The following RAB6B variants were observed in gnomAD, a reference collection of about 807,000 sequenced individuals.
RAB6B encodes the protein RAB6B, member RAS oncogene family, also known as ras-related protein Rab-6B.
In RAB6B, 7 loss-of-function variants were observed where a neutral mutation model predicts 31.2. The observed-to-expected ratio is 0.22, with a 90% CI of 0.13 to 0.42. RAB6B has a LOEUF of 0.42. RAB6B is among the 10% of genes least tolerant of loss of function. The pLI is 1.00. For synonymous variants in RAB6B, 105 were observed against 104.9 expected (o/e 1.00, Z -0.01); for missense variants, 149 against 280.6 (o/e 0.53, Z 3.35).
At chr3:133,869,543 T>A (rs1295485582) in intron 1 of RAB6B, among the ~76,000 whole-genome samples, 1 of 152,250 alleles carries the variant, frequency 6.6e-6, no homozygotes, top group Non-Finnish European at 1.5e-5. Context: ...AGTTCATAAT[T>A]TCCATAGTGG....
intron 1 of RAB6B, among the ~76,000 whole-genome samples, chr3:133,889,388 TTATATATATATATATATATATATA>T (rs5852771): frequency 0.023 from 1,806 of 80,220 alleles, 77 homozygotes; most frequent in African/African-American, 0.03. Flanking sequence ...GGTTATTTTG[TTATATATATATATATATATATATA>T]TATATATATA....
At chr3:133,894,316 T>C (rs1362101423) in intron 1 of RAB6B, 1 of 152,334 alleles carries the variant, frequency 6.6e-6, no homozygotes, top group Non-Finnish European at 1.5e-5. Flanking sequence ...AGGGATGCTC[T>C]GAAAGCCACT....
intron 4 of RAB6B, among the ~76,000 whole-genome samples, chr3:133,840,682 GCAGGTCT>G (rs936474900): frequency 6.6e-6 from 1 of 152,206 alleles, no homozygotes; most frequent in African/African-American, 2.4e-5. Context: ...CAAGAGCCTT[GCAGGTCT>G]GGCCTCTGCC....
chr3:133,873,067 C>A (rs1017382813), intron 1 of RAB6B, among the ~76,000 whole-genome samples: 1 of 152,212 alleles, frequency 6.6e-6, no homozygotes, highest in Non-Finnish European at 1.5e-5. Context: ...CTGCACCCAC[C>A]CCATCTCCTC....
At chr3:133,873,529 G>A (rs763243861) in intron 1 of RAB6B, among the ~76,000 whole-genome samples, 4 of 152,122 alleles carry the variant, frequency 2.6e-5, no homozygotes, top group Non-Finnish European at 2.9e-5. Context: ...AGCCCCAGCC[G>A]CCACAGAGGA....
At chr3:133,831,008 T>A (rs995462185) in intron 7 of RAB6B, among the ~76,000 whole-genome samples, 4 of 152,230 alleles carry the variant, frequency 2.6e-5, no homozygotes, top group Non-Finnish European at 4.4e-5. Context: ...CAGTCCTGGT[T>A]GAGAACTAGT....
At chr3:133,866,562 T>C (rs940243532) in intron 1 of RAB6B, among the ~76,000 whole-genome samples, 1 of 152,234 alleles carries the variant, frequency 6.6e-6, no homozygotes, top group African/African-American at 2.4e-5. Context: ...CCAAGATCTC[T>C]TCTAATTTTA....
chr3:133,839,164 G>A (rs1001384693), intron 5 of RAB6B, among the ~76,000 whole-genome samples: 1 of 152,248 alleles, frequency 6.6e-6, no homozygotes, highest in Admixed American at 6.5e-5. Context: ...TGCACACGCT[G>A]GGGCCTAGAG....
chr3:133,833,805 G>T (rs1576392202), intron 7 of RAB6B, among the ~76,000 whole-genome samples: 1 of 152,184 alleles, frequency 6.6e-6, no homozygotes, highest in Admixed American at 6.5e-5. Context: ...GGCTTACTCA[G>T]GCAGGGACAT....
chr3:133,885,560 C>T (rs1430369133), intron 1 of RAB6B: 1 of 703,024 alleles, frequency 1.4e-6, no homozygotes, highest in African/African-American at 1.7e-5. Context: ...TGGTCATATG[C>T]CACATCCAAC....
chr3:133,827,747 C>CT lies in RAB6B; in HGVS notation c.*1040_*1041insA. 2 of 14,394 alleles carry CT rather than the reference C, an allele frequency of 1.4e-4. No individual in the cohort carries two copies. The highest frequency in any genetic ancestry group is 3.3e-4 in the Non-Finnish European group (2 of 6,014). 0.9% of individuals were successfully genotyped at this position (14,394 alleles called of 1,614,324 possible). On this transcript the variant is annotated 3_prime_UTR_variant, in exon 8 of 8. Transcript: ENST00000285208. The stretch of plus-strand genomic sequence containing the variant: ...CAAGGTGGTGGTTCTGCAGACAACA[C>CT]CCCCCCCCCCCCCCGCCTCCCCATC...
At chr3:133,842,146 G>A (rs112063604) in intron 2 of RAB6B, among the ~76,000 whole-genome samples, 2 of 152,230 alleles carry the variant, frequency 1.3e-5, no homozygotes, top group Admixed American at 6.5e-5. Flanking sequence ...TGCTGTGTGG[G>A]TGCAAACAGC....
Position 133,843,111 on chromosome 3 carries a change from T to C in RAB6B, c.130-1448A>G, listed in dbSNP as rs1473281028. On this transcript the variant is annotated intron_variant, in intron 2 of 7. Coordinates refer to ENST00000285208, the MANE Select transcript of RAB6B (RefSeq NM_016577.4). ...GACTGGCTTGCACCCTCCTGGAAGC[T>C]TGCCTCATAACACAAAGATATGGGG... is the stretch of plus-strand genomic sequence containing the variant. 2.0e-5 allele frequency among the ~76,000 whole-genome samples: 3 copies of C among 152,244 alleles called. No individual in the cohort carries two copies. In the East Asian group the frequency reaches 5.8e-4, roughly 29 times the overall value.
intron 1 of RAB6B, among the ~76,000 whole-genome samples, chr3:133,888,060 G>A (rs1171761749): frequency 3.9e-5 from 6 of 152,198 alleles, no homozygotes; most frequent in African/African-American, 1.4e-4. Context: ...CACTCCCCAC[G>A]AGTCATGCAC....
intron 1 of RAB6B, among the ~76,000 whole-genome samples, chr3:133,879,704 T>TC (rs1468566497): frequency 1.2e-4 from 18 of 152,238 alleles, no homozygotes; most frequent in Non-Finnish European, 2.2e-4. Flanking sequence ...ACAGCTTGTG[T>TC]AGACTGCATA....
rs1271269693 is a variant in RAB6B, at chr3:133,826,723, A to G, written c.*2065T>C. ...CTATGTTTGCCTGTAGTTTAACACA[A>G]CTATGCATTATTTTATTGATGGCAA... On this transcript the variant is annotated 3_prime_UTR_variant, in exon 8 of 8. Coordinates refer to ENST00000285208, the MANE Select transcript of RAB6B (RefSeq NM_016577.4). 1 of 152,628 alleles carries G rather than the reference A, an allele frequency of 6.6e-6. No individual in the cohort carries two copies. Among genetic ancestry groups the G allele is most frequent in the Admixed American group, 6.5e-5 (1 of 15,288 alleles). The allele number at this position is 152,628 out of a possible 1,614,324, so 9.5% of individuals were successfully genotyped here.
At position 133,852,699 on chromosome 3, in the gene RAB6B, G is replaced by A. The variant is rs114911733; in HGVS notation, c.130-11036C>T. 6.9e-3 allele frequency among the ~76,000 whole-genome samples: 1,051 copies of A among 152,154 alleles called. 15 individuals carry two copies. Among genetic ancestry groups the A allele is most frequent in the African/African-American group, 0.024 (996 of 41,508 alleles). ...TCACCATGTTGCCCAGGCTGGTCTCGAACTCCAGGGCACAAGTGATCCTTC... is the reference window on the plus strand; with the variant it reads ...TCACCATGTTGCCCAGGCTGGTCTCAAACTCCAGGGCACAAGTGATCCTTC... On this transcript the variant is annotated intron_variant, in intron 2 of 7. Transcript: ENST00000285208.
intron 7 of RAB6B, among the ~76,000 whole-genome samples, chr3:133,833,090 G>A (rs1484032201): frequency 6.6e-6 from 1 of 152,168 alleles, no homozygotes; most frequent in Non-Finnish European, 1.5e-5. Context: ...GCACAGCGGA[G>A]ATCGCCTGCA....
At position 133,827,833 on chromosome 3, in the gene RAB6B, G is replaced by A; in HGVS notation, c.*955C>T. 2 of 609,176 alleles carry A rather than the reference G, an allele frequency of 3.3e-6. No individual in the cohort carries two copies. The highest frequency in any genetic ancestry group is 6.0e-6 in the Non-Finnish European group (2 of 331,996). The allele number at this position is 609,176 out of a possible 1,614,324, so 37.7% of individuals were successfully genotyped here. On this transcript the variant is annotated 3_prime_UTR_variant, in exon 8 of 8. Coordinates refer to ENST00000285208, the MANE Select transcript of RAB6B (RefSeq NM_016577.4). ...ACATCCAGGAGGAAGGCTTCAGGAT[G>A]GCACACTGCCCAACATCACACACTG...
Sources: allele counts gnomAD v4.1 joint callset (sites outside exome capture counted in the v4.1 genomes callset), GRCh38; gene constraint gnomAD v4.1.1; transcripts MANE v1.5; gene names NCBI Gene and HGNC (gene_info 2026-07-23, HGNC 2026-07-21).